ZSWIM2: variants seen among roughly 807,000 people sequenced by gnomAD.
ZSWIM2 encodes the protein zinc finger SWIM-type containing 2.
A neutral mutation model predicts 48.4 loss-of-function variants in ZSWIM2; 38 were observed. The observed-to-expected ratio is 0.79, with a 90% CI of 0.61 to 1.03. ZSWIM2 has a LOEUF of 1.03. Among genes scored for constraint, ZSWIM2 ranks in the 50% least tolerant of loss-of-function variants. The pLI is 0.00. For synonymous variants in ZSWIM2, 240 were observed against 251.3 expected (o/e 0.96, Z 0.42); for missense variants, 776 against 730.2 (o/e 1.06, Z -0.72).
At chr2:186,846,361 G>A (rs1433845062) in intron 2 of ZSWIM2, among the ~76,000 whole-genome samples, 1 of 151,520 alleles carries the variant, frequency 6.6e-6, no homozygotes, top group African/African-American at 2.4e-5. Flanking sequence ...ATATACAAGT[G>A]GCCAACAAAC....
chr2:186,829,906 A>G, intron 7 of ZSWIM2, 26 bp from the exon 8 acceptor site: 1 of 1,612,116 alleles, frequency 6.2e-7, no homozygotes, highest in Non-Finnish European at 8.5e-7. Flanking sequence ...CAGAGACATG[A>G]GTGTTTACAT....
intron 3 of ZSWIM2, among the ~76,000 whole-genome samples, chr2:186,842,302 C>A (rs1022507226): frequency 1.3e-5 from 2 of 151,128 alleles, no homozygotes; most frequent in African/African-American, 4.8e-5. Flanking sequence ...AATTTAAGAT[C>A]GCTAAGACTT....
intron 4 of ZSWIM2, among the ~76,000 whole-genome samples, chr2:186,838,346 GTAAA>G (rs1691836293): frequency 6.8e-6 from 1 of 146,312 alleles, no homozygotes; most frequent in Non-Finnish European, 1.5e-5. Flanking sequence ...GCATTAATGA[GTAAA>G]AAAAAAAAAA....
intron 7 of ZSWIM2, among the ~76,000 whole-genome samples, chr2:186,831,881 G>T (rs1253550037): frequency 6.6e-6 from 1 of 151,984 alleles, no homozygotes; most frequent in African/African-American, 2.4e-5. Flanking sequence ...GTTGTGGGGT[G>T]GGGGAGGGGG....
chr2:186,828,637 A>C lies in ZSWIM2; in HGVS notation c.1249T>G (p.Ser417Ala). The change falls in exon 9 of 9, where the codon TCA becomes GCA. Residue 417 changes from serine to alanine, a missense_variant. Ser to Ala is a moderately conservative substitution (Grantham distance 99, BLOSUM62 1). Transcript: ENST00000295131. ...SVSNRDIIHLSKQKEPDLFIP... is the reference protein window; with the variant it reads ...SVSNRDIIHLAKQKEPDLFIP... ...AAAAGATCTGGTTCTTTCTGCTTTGATAGATGAATGATGTCTCTGTTTGAA... is the reference window on the plus strand; with the variant it reads ...AAAAGATCTGGTTCTTTCTGCTTTGCTAGATGAATGATGTCTCTGTTTGAA... The C allele has an allele frequency of 6.2e-7, 1 of 1,612,844 alleles. No homozygotes were observed. Among genetic ancestry groups the C allele is most frequent in the Non-Finnish European group, 8.5e-7 (1 of 1,179,588 alleles).
intron 3 of ZSWIM2, among the ~76,000 whole-genome samples, chr2:186,844,356 G>T (rs1340052928): frequency 6.6e-6 from 1 of 151,296 alleles, no homozygotes; most frequent in Non-Finnish European, 1.5e-5. Context: ...CTATTTCTGG[G>T]ATCTAAAAAA....
chr2:186,833,275 T>A, intron 6 of ZSWIM2, 43 bp from the exon 7 acceptor site: 1 of 972,088 alleles, frequency 1.0e-6, no homozygotes, highest in Non-Finnish European at 1.5e-6. Context: ...AAGTCGTGGA[T>A]ATTTTCATTT....
Position 186,827,955 on chromosome 2 carries a change from A to G in ZSWIM2, c.*29T>C, listed in dbSNP as rs781375845. Reference sequence around the variant, plus strand: ...TATAAAACATTTTTTTATATTCAACATTCAAATATTTTCAGATAGTAAACT... The same window carrying G: ...TATAAAACATTTTTTTATATTCAACGTTCAAATATTTTCAGATAGTAAACT... On this transcript the variant is annotated 3_prime_UTR_variant, in exon 9 of 9. Coordinates refer to ENST00000295131, the MANE Select transcript of ZSWIM2 (RefSeq NM_182521.3). 18 of 1,485,850 alleles carry G rather than the reference A, an allele frequency of 1.2e-5. No homozygotes were observed. Among genetic ancestry groups the G allele is most frequent in the Non-Finnish European group, 1.4e-5 (15 of 1,110,684 alleles). 92.0% of individuals were successfully genotyped at this position (1,485,850 alleles called of 1,614,324 possible).
intron 2 of ZSWIM2, among the ~76,000 whole-genome samples, chr2:186,845,637 T>A (rs1352903195): frequency 6.6e-6 from 1 of 151,456 alleles, no homozygotes; most frequent in Non-Finnish European, 1.5e-5. Context: ...TATTTTTTCA[T>A]GTTAACTATC....
At chr2:186,844,470 A>G (rs1305370023) in intron 3 of ZSWIM2, among the ~76,000 whole-genome samples, 1 of 151,522 alleles carries the variant, frequency 6.6e-6, no homozygotes, top group Non-Finnish European at 1.5e-5. Context: ...ATAACTGGCC[A>G]TTGTTTCATA....
chr2:186,840,503 G>A (rs1691885770), intron 3 of ZSWIM2, among the ~76,000 whole-genome samples: 1 of 151,590 alleles, frequency 6.6e-6, no homozygotes, highest in Non-Finnish European at 1.5e-5. Flanking sequence ...AGTAATAAAT[G>A]TAATAATATA....
intron 3 of ZSWIM2, among the ~76,000 whole-genome samples, chr2:186,839,636 A>G (rs1691866883): frequency 1.3e-5 from 2 of 151,718 alleles, no homozygotes; most frequent in South Asian, 4.1e-4. Flanking sequence ...GCAAGACTTA[A>G]TTAATTGTGC....
chr2:186,834,361 T>C (rs1346633635), intron 5 of ZSWIM2, among the ~76,000 whole-genome samples: 1 of 151,938 alleles, frequency 6.6e-6, no homozygotes, highest in East Asian at 1.9e-4. Flanking sequence ...TCTTCTAGAG[T>C]AGGGGTCCCC....
chr2:186,837,746 T>C (rs1481754278), intron 4 of ZSWIM2, among the ~76,000 whole-genome samples, 192 bp from the exon 5 acceptor site: 2 of 150,682 alleles, frequency 1.3e-5, no homozygotes, highest in African/African-American at 4.9e-5. Flanking sequence ...TCACTCATTC[T>C]AGTAATCTAT....
At position 186,827,893 on chromosome 2, in the gene ZSWIM2, T is replaced by C; in HGVS notation, c.*91A>G. On this transcript the variant is annotated 3_prime_UTR_variant, in exon 9 of 9. Transcript: ENST00000295131. ...GCAAATTCCAACAGAGAATTTTATA[T>C]ACATTTGTCAAGACTATGTGTGCTT... is the stretch of plus-strand genomic sequence containing the variant. The C allele has an allele frequency of 1.8e-6, 2 of 1,108,824 alleles. No homozygotes were observed. 68.7% of individuals were successfully genotyped at this position (1,108,824 alleles called of 1,614,324 possible).
Position 186,827,898 on chromosome 2 carries a change from T to C in ZSWIM2, c.*86A>G, listed in dbSNP as rs1691623957. 22 of 1,146,934 alleles carry C rather than the reference T, an allele frequency of 1.9e-5. No homozygotes were observed. Among genetic ancestry groups the C allele is most frequent in the Non-Finnish European group, 2.6e-5 (22 of 841,846 alleles). The allele number at this position is 1,146,934 out of a possible 1,614,324, so 71.0% of individuals were successfully genotyped here. A position where few individuals can be genotyped will look rare whatever the true frequency, so the allele number is the denominator to read the frequency against. ...TTCCAACAGAGAATTTTATATACAT[T>C]TGTCAAGACTATGTGTGCTTTTTAT... On this transcript the variant is annotated 3_prime_UTR_variant, in exon 9 of 9. Coordinates refer to ENST00000295131, the MANE Select transcript of ZSWIM2 (RefSeq NM_182521.3).
chr2:186,835,602 T>C (rs1218144281), intron 5 of ZSWIM2, among the ~76,000 whole-genome samples: 2 of 152,202 alleles, frequency 1.3e-5, no homozygotes, highest in African/African-American at 2.4e-5. Flanking sequence ...TATTTTAACA[T>C]ATATCTAGTA....
Position 186,833,167 on chromosome 2 carries a change from A to G in ZSWIM2, c.894T>C (p.Thr298=). The part of the protein sequence containing the change: ...RADEVVKYID[T]KNEIEEKMSH... ...ACATCTTTTCTTCAATCTCATTTTT[A>G]GTATCTATGTATTTTACAACTTCAT... The change falls in exon 7 of 9, where the codon ACT becomes ACC. Residue 298 remains threonine (T), a synonymous_variant. Coordinates refer to ENST00000295131, the MANE Select transcript of ZSWIM2 (RefSeq NM_182521.3). 6.6e-7 allele frequency: 1 copy of G among 1,524,850 alleles called. No individual in the cohort carries two copies. Among genetic ancestry groups the G allele is most frequent in the Non-Finnish European group, 8.8e-7 (1 of 1,139,520 alleles). The allele number at this position is 1,524,850 out of a possible 1,614,324, so 94.5% of individuals were successfully genotyped here.
At chr2:186,832,965 C>A (rs1001230098) in intron 7 of ZSWIM2, among the ~76,000 whole-genome samples, 155 bp downstream of exon 7, 5 of 151,968 alleles carry the variant, frequency 3.3e-5, no homozygotes, top group Admixed American at 1.3e-4. Context: ...ACTCTACAGC[C>A]CTGCTCTTCA....
Sources: allele counts gnomAD v4.1 joint callset (sites outside exome capture counted in the v4.1 genomes callset), GRCh38; gene constraint gnomAD v4.1.1; transcripts MANE v1.5; gene names NCBI Gene and HGNC (gene_info 2026-07-23, HGNC 2026-07-21).